Variants in PRKCE observed in about 807,000 individuals in gnomAD.
The protein encoded by PRKCE is protein kinase C epsilon type.
PRKCE carries 16 observed loss-of-function variants against 85.4 expected under a neutral mutation model. That is an observed-to-expected ratio of 0.19 (90% CI 0.13 to 0.28). The LOEUF is 0.28. PRKCE is among the 10% of genes least tolerant of loss of function. The pLI, the probability that PRKCE is intolerant of heterozygous loss-of-function variation, is 1.00. For missense variants in PRKCE, 573 were observed against 975.2 expected, an observed-to-expected ratio of 0.59 and a Z score of 5.49; for synonymous variants, 388 against 371.5, an observed-to-expected ratio of 1.04 and a Z score of -0.51.
rs937357133 is a variant in PRKCE, at chr2:46,159,038, T to C, written c.1921-568T>C. 3.3e-5 allele frequency among the ~76,000 whole-genome samples: 5 copies of C among 152,182 alleles called. No homozygotes were observed. Among genetic ancestry groups the C allele is most frequent in the African/African-American group, 1.2e-4 (5 of 41,438 alleles). ...CCTTCATGGGCATTTTGTGTCAAGA[T>C]TGCAAATTCAAACATAAAAACAGTG... is the stretch of plus-strand genomic sequence containing the variant. On this transcript the variant is annotated intron_variant, in intron 13 of 14. Coordinates refer to ENST00000306156, the MANE Select transcript of PRKCE (RefSeq NM_005400.3). This position sits in a 1 kb window ranked among gnomAD's most constrained non-coding sequence, Gnocchi z 4.1.
At chr2:45,728,817 A>AG (rs1396661526) in intron 1 of PRKCE, among the ~76,000 whole-genome samples, 11 of 152,166 alleles carry the variant, frequency 7.2e-5, no homozygotes, top group East Asian at 3.8e-4. Flanking sequence ...CTGTATGAGG[A>AG]AGGTATGACC....
chr2:45,843,285 G>A (rs975642855), intron 2 of PRKCE, among the ~76,000 whole-genome samples: 1 of 152,258 alleles, frequency 6.6e-6, no homozygotes, highest in Non-Finnish European at 1.5e-5. Context: ...GACTTACCAA[G>A]TGAGGCCAAT....
chr2:45,714,609 C>T (rs1206329429), intron 1 of PRKCE, among the ~76,000 whole-genome samples: 3 of 152,182 alleles, frequency 2.0e-5, no homozygotes, highest in East Asian at 3.8e-4. Context: ...TTCCTCCTTC[C>T]TTATCTGGCT....
intron 2 of PRKCE, 68 bp from the exon 3 acceptor site, chr2:45,976,361 G>C: frequency 3.3e-6 from 5 of 1,536,442 alleles, no homozygotes; most frequent in Non-Finnish European, 4.4e-6. Flanking sequence ...TAGCTCTCCA[G>C]AGGGAGCTCA....
chr2:46,010,551 T>TG, intron 10 of PRKCE, 34 bp downstream of exon 10: 1 of 1,598,172 alleles, frequency 6.3e-7, no homozygotes, highest in South Asian at 1.1e-5. Context: ...GCTGCCATGT[T>TG]GGGGCATCTT....
chr2:46,123,804 A>G (rs1156606887), intron 11 of PRKCE, among the ~76,000 whole-genome samples: 3 of 152,202 alleles, frequency 2.0e-5, no homozygotes, highest in Admixed American at 6.5e-5. Context: ...TGTTGTATCT[A>G]TGTCTTCTTC....
intron 11 of PRKCE, among the ~76,000 whole-genome samples, chr2:46,104,969 G>A (rs552460591): frequency 1.1e-4 from 17 of 151,866 alleles, no homozygotes; most frequent in African/African-American, 4.1e-4. Flanking sequence ...CTTAAATTCT[G>A]GTGCTTGGTT....
intron 2 of PRKCE, among the ~76,000 whole-genome samples, chr2:45,892,035 T>C (rs1426690778): frequency 1.3e-5 from 2 of 152,220 alleles, no homozygotes; most frequent in Non-Finnish European, 2.9e-5. Flanking sequence ...TTGGCCCTGC[T>C]CTCCACAGTT....
intron 2 of PRKCE, among the ~76,000 whole-genome samples, chr2:45,952,974 C>G (rs1434007630): frequency 6.6e-6 from 1 of 152,208 alleles, no homozygotes; most frequent in Non-Finnish European, 1.5e-5. Flanking sequence ...CCTGACATCT[C>G]ATTTTATGGA....
chr2:45,717,621 T>C (rs1457842201), intron 1 of PRKCE, among the ~76,000 whole-genome samples: 1 of 152,192 alleles, frequency 6.6e-6, no homozygotes, highest in South Asian at 2.1e-4. Context: ...TTTTTCCTAA[T>C]AGTTTTTGTA....
chr2:46,047,239 C>T (rs932463773), intron 10 of PRKCE, among the ~76,000 whole-genome samples: 1 of 152,126 alleles, frequency 6.6e-6, no homozygotes, highest in Non-Finnish European at 1.5e-5. Context: ...TGTCTGATAC[C>T]TCCTTGCTAA....
At chr2:45,945,202 G>A (rs558787560) in intron 2 of PRKCE, among the ~76,000 whole-genome samples, 24 of 152,266 alleles carry the variant, frequency 1.6e-4, no homozygotes, top group African/African-American at 3.6e-4. Context: ...TATTGAGGCC[G>A]GGTAATTTAT....
At chr2:45,658,719 A>G (rs1485983337) in intron 1 of PRKCE, among the ~76,000 whole-genome samples, 3 of 152,234 alleles carry the variant, frequency 2.0e-5, no homozygotes, top group Non-Finnish European at 2.9e-5. Flanking sequence ...TTGAAGAGTC[A>G]TTTGTGTGTT....
chr2:45,926,383 G>C (rs932518316), intron 2 of PRKCE, among the ~76,000 whole-genome samples: 5 of 152,182 alleles, frequency 3.3e-5, no homozygotes, highest in Admixed American at 1.3e-4. Context: ...ACAGCAAGTC[G>C]AGGAGGAGCT....
At chr2:46,084,718 CAAAAAAA>C (rs11314680) in intron 10 of PRKCE, among the ~76,000 whole-genome samples, 6 of 92,216 alleles carry the variant, frequency 6.5e-5, no homozygotes, top group African/African-American at 2.6e-4. Context: ...GAGACTCCAT[CAAAAAAA>C]AAAAAAAAAA....
intron 11 of PRKCE, among the ~76,000 whole-genome samples, chr2:46,114,440 C>T (rs1174608338): frequency 1.2e-5 from 1 of 83,518 alleles, no homozygotes. Flanking sequence ...TTTTTTGAGA[C>T]AGAGTCTTGC....
At chr2:45,783,676 T>G (rs563378474) in intron 1 of PRKCE, among the ~76,000 whole-genome samples, 7 of 152,282 alleles carry the variant, frequency 4.6e-5, no homozygotes, top group African/African-American at 1.7e-4. Flanking sequence ...AGAACTCAGT[T>G]TTTCTTGGTC....
intron 10 of PRKCE, among the ~76,000 whole-genome samples, chr2:46,060,356 C>A (rs999258046): frequency 1.3e-5 from 2 of 152,156 alleles, no homozygotes; most frequent in African/African-American, 4.8e-5. Context: ...GCCCAAGAAC[C>A]TGCACAAGAG....
In PRKCE at chr2:45,688,163, C is replaced by T. The variant is rs139932922; in HGVS notation, c.348+35715C>T. On this transcript the variant is annotated intron_variant, in intron 1 of 14. Coordinates refer to ENST00000306156, the MANE Select transcript of PRKCE (RefSeq NM_005400.3). ...TAATGATGCCACCTGTTACACAGTC[C>T]ATCAGCATAATTATAGGTGAGGAAA... Among the ~76,000 whole-genome samples, 808 of 152,244 alleles carry T rather than the reference C, an allele frequency of 5.3e-3. 7 individuals are homozygous for T. The highest frequency in any genetic ancestry group is 0.018 in the African/African-American group (767 of 41,546).
Sources: allele counts gnomAD v4.1 joint callset (sites outside exome capture counted in the v4.1 genomes callset), GRCh38; gene constraint gnomAD v4.1.1; non-coding constraint Gnocchi (gnomAD v3.1); transcripts MANE v1.5; gene names NCBI Gene and HGNC (gene_info 2026-07-23, HGNC 2026-07-21).